The following STIM2 variants were observed in gnomAD, a reference collection of about 807,000 sequenced individuals.
STIM2 encodes the protein stromal interaction molecule 2.
Under a neutral mutation model 85.8 loss-of-function variants are expected in STIM2, and 31 were observed. The observed-to-expected ratio is 0.36, with a 90% CI of 0.27 to 0.49. STIM2 has a LOEUF of 0.49. Ranked by LOEUF, STIM2 falls within the 20% of genes least tolerant of loss-of-function variation. The pLI is 0.98. For missense variants in STIM2, 841 were observed against 927.6 expected, an observed-to-expected ratio of 0.91 and a Z score of 1.21; for synonymous variants, 356 against 331.1, an observed-to-expected ratio of 1.08 and a Z score of -0.82.
intron 2 of STIM2, among the ~76,000 whole-genome samples, chr4:26,941,792 A>AT (rs1725620070): frequency 6.6e-6 from 1 of 152,156 alleles, no homozygotes; most frequent in Non-Finnish European, 1.5e-5. Flanking sequence ...ATTCCTTCAA[A>AT]TTCTTAATGG....
intron 1 of STIM2, among the ~76,000 whole-genome samples, chr4:26,890,273 A>G (rs1347625380): frequency 6.6e-6 from 1 of 152,178 alleles, no homozygotes; most frequent in Non-Finnish European, 1.5e-5. Context: ...AGAGAAGGGA[A>G]TGTGGTAGGA....
At position 26,957,252 on chromosome 4, in the gene STIM2, C is replaced by A. The variant is rs144046800; in HGVS notation, c.283-360C>A. ...ACTCTGTACCTGTTCAGTACAGACA[C>A]AGCCATCCATTTTCCCCCAAATATT... On this transcript the variant is annotated intron_variant, in intron 2 of 11. Transcript: ENST00000467087. Among the ~76,000 whole-genome samples, 390 of 152,218 alleles carry A rather than the reference C, an allele frequency of 2.6e-3. 2 individuals are homozygous for A. The highest frequency in any genetic ancestry group is 8.7e-3 in the African/African-American group (363 of 41,546).
intron 3 of STIM2, among the ~76,000 whole-genome samples, chr4:26,971,607 C>G (rs1010185275): frequency 1.3e-5 from 2 of 152,184 alleles, no homozygotes; most frequent in Non-Finnish European, 2.9e-5. Flanking sequence ...GTCTATATAT[C>G]TGCTTTGGTA....
chr4:26,945,430 A>T (rs1407168568), intron 2 of STIM2, among the ~76,000 whole-genome samples: 1 of 152,054 alleles, frequency 6.6e-6, no homozygotes, highest in Non-Finnish European at 1.5e-5. Context: ...CTTTATAATG[A>T]TAGATATGAT....
intron 11 of STIM2, chr4:27,019,695 A>G: frequency 3.0e-6 from 1 of 338,504 alleles, no homozygotes; most frequent in Non-Finnish European, 5.7e-6. Flanking sequence ...TTTTTTTTTT[A>G]TGAGACGGAG....
At position 26,995,481 on chromosome 4, in the gene STIM2, C is replaced by T; in HGVS notation, c.500C>T (p.Thr167Ile). The change falls in exon 4 of 12, where the codon ACA (threonine) becomes ATA (isoleucine). Residue 167 changes from threonine (T) to isoleucine (I), a missense_variant. Thr to Ile is a moderately conservative substitution (Grantham distance 89). This residue lies in a region of STIM2 where 408 missense variants were observed against 525.4 expected (regional missense o/e 0.78). Transcript: ENST00000467087. ...AGAGACAACAATGTCAAAGGAACGA[C>T]ACTTCCCAGGTGAGTCTTTGTTATG... 1.3e-6 allele frequency: 2 copies of T among 1,594,232 alleles called. No individual in the cohort carries two copies.
intron 4 of STIM2, 126 bp downstream of exon 4, chr4:26,995,616 ATTC>A (rs1390719517): frequency 2.4e-6 from 1 of 424,162 alleles, no homozygotes; most frequent in African/African-American, 2.1e-5. Context: ...AAATATATCC[ATTC>A]TTTAATCTTT....
At chr4:26,997,346 C>T (rs1158042309) in intron 4 of STIM2, among the ~76,000 whole-genome samples, 2 of 152,116 alleles carry the variant, frequency 1.3e-5, no homozygotes, top group Non-Finnish European at 2.9e-5. Context: ...TAAAGGTAGC[C>T]AAAACTATGT....
intron 3 of STIM2, among the ~76,000 whole-genome samples, chr4:26,986,742 G>A (rs1727599259): frequency 6.6e-6 from 1 of 152,220 alleles, no homozygotes; most frequent in Admixed American, 6.5e-5. Flanking sequence ...CTGCTTTAAA[G>A]TGAGATATCA....
intron 2 of STIM2, among the ~76,000 whole-genome samples, chr4:26,952,190 A>G (rs534893232): frequency 6.6e-6 from 1 of 152,284 alleles, no homozygotes; most frequent in Admixed American, 6.5e-5. Flanking sequence ...TCCAAACCAT[A>G]TCAGAGGATG....
In STIM2 at chr4:27,024,194, TG is replaced by T. The variant is rs1729007893; in HGVS notation, c.*1199del. The T allele has an allele frequency of 6.6e-6, 1 of 152,228 alleles. No individual in the cohort carries two copies. The highest frequency in any genetic ancestry group is 2.1e-4 in the South Asian group (1 of 4,836). The allele number at this position is 152,228 out of a possible 1,614,324, so 9.4% of individuals were successfully genotyped here. ...AATTTATGGTGCATTTAGATTGCGTTGTATTAATTTATAAAGTATGGTGTTC... is the reference window on the plus strand; with the variant it reads ...AATTTATGGTGCATTTAGATTGCGTTTATTAATTTATAAAGTATGGTGTTC... On this transcript the variant is annotated 3_prime_UTR_variant, in exon 12 of 12. Coordinates refer to ENST00000467087, the MANE Select transcript of STIM2 (RefSeq NM_020860.4).
chr4:27,025,244 A>G lies in STIM2; in HGVS notation c.*2248A>G, dbSNP rs1192681989. 1 of 152,214 alleles carries G rather than the reference A, an allele frequency of 6.6e-6. No individual in the cohort carries two copies. Among genetic ancestry groups the G allele is most frequent in the Non-Finnish European group, 1.5e-5 (1 of 68,020 alleles). 9.4% of individuals were successfully genotyped at this position (152,214 alleles called of 1,614,324 possible). On this transcript the variant is annotated 3_prime_UTR_variant, in exon 12 of 12. Transcript: ENST00000467087. ...GGAAATTATTGAGTTTTGGAAAGCT[A>G]CAGTAATTTCTGTATTACATCATTT...
At chr4:26,932,524 G>A (rs1424125518) in intron 2 of STIM2, among the ~76,000 whole-genome samples, 2 of 152,104 alleles carry the variant, frequency 1.3e-5, no homozygotes, top group East Asian at 1.9e-4. Flanking sequence ...ATTGAACATC[G>A]TTTGCTAAAT....
intron 2 of STIM2, among the ~76,000 whole-genome samples, chr4:26,938,726 C>T (rs1445099885): frequency 4.6e-5 from 7 of 152,104 alleles, no homozygotes; most frequent in Non-Finnish European, 7.4e-5. Flanking sequence ...TGCTGTCTCA[C>T]GTTATCTTCA....
chr4:26,989,342 A>G (rs189571356), intron 3 of STIM2, among the ~76,000 whole-genome samples: 4 of 152,362 alleles, frequency 2.6e-5, no homozygotes, highest in African/African-American at 9.6e-5. Context: ...CCTCACATCA[A>G]TAGAATCAAG....
At chr4:26,991,004 T>C (rs1386151279) in intron 3 of STIM2, among the ~76,000 whole-genome samples, 2 of 152,080 alleles carry the variant, frequency 1.3e-5, no homozygotes, top group Non-Finnish European at 2.9e-5. Context: ...AGTACAGTTA[T>C]TAAGGAAAAC....
intron 3 of STIM2, among the ~76,000 whole-genome samples, chr4:26,991,611 G>T (rs1207739855): frequency 6.6e-6 from 1 of 152,082 alleles, no homozygotes; most frequent in African/African-American, 2.4e-5. Flanking sequence ...AATGTTTGAG[G>T]TGATGGATAT....
intron 1 of STIM2, among the ~76,000 whole-genome samples, chr4:26,882,978 C>T (rs1243766642): frequency 1.3e-5 from 2 of 151,454 alleles, no homozygotes; most frequent in African/African-American, 4.8e-5. Flanking sequence ...GCTGGGACTA[C>T]AGGCATGCGC....
rs772976240 is a variant in STIM2 at position 26,861,177 on chromosome 4, C to T, written c.-42C>T. The stretch of plus-strand genomic sequence containing the variant: ...CCTTCATCCCGCCTCGACTCCTGGC[C>T]CAGCGTGGGGCTGGCTGCTGCGGCG... On this transcript the variant is annotated 5_prime_UTR_variant, in exon 1 of 12. Coordinates refer to ENST00000467087, the MANE Select transcript of STIM2 (RefSeq NM_020860.4). The T allele has an allele frequency of 6.4e-6, 9 of 1,411,732 alleles. No homozygotes were observed. The East Asian group carries it at 2.1e-4, about 33-fold the overall frequency. 87.5% of individuals were successfully genotyped at this position (1,411,732 alleles called of 1,614,324 possible).
Sources: allele counts gnomAD v4.1 joint callset (sites outside exome capture counted in the v4.1 genomes callset), GRCh38; gene constraint gnomAD v4.1.1; regional missense constraint gnomAD v4.1.1; transcripts MANE v1.5; gene names NCBI Gene and HGNC (gene_info 2026-07-23, HGNC 2026-07-21).